Variants in TEAD1 observed in about 807,000 individuals in gnomAD.
TEAD1 encodes the protein TEA domain transcription factor 1.
In TEAD1, 9 loss-of-function variants were observed where a neutral mutation model predicts 54.9. The observed-to-expected ratio is 0.16, with a 90% CI of 0.10 to 0.29. The LOEUF is 0.29. Among genes scored for constraint, TEAD1 ranks in the 10% least tolerant of loss-of-function variants. The pLI is 1.00. For missense variants in TEAD1, 387 were observed against 535.9 expected, an observed-to-expected ratio of 0.72 and a Z score of 2.74; for synonymous variants, 200 against 187.8, an observed-to-expected ratio of 1.07 and a Z score of -0.53.
At chr11:12,816,222 A>C (rs2133995706) in intron 3 of TEAD1, among the ~76,000 whole-genome samples, 1 of 152,142 alleles carries the variant, frequency 6.6e-6, no homozygotes, top group South Asian at 2.1e-4. Context: ...GGCTGGATGA[A>C]GTCAAGCTGC....
chr11:12,720,321 G>A (rs1410671932), intron 2 of TEAD1, among the ~76,000 whole-genome samples: 1 of 152,066 alleles, frequency 6.6e-6, no homozygotes, highest in Non-Finnish European at 1.5e-5. Context: ...TGTGGACTGG[G>A]AAGAAATTAG....
In TEAD1 at chr11:12,820,854, A is replaced by G. The variant is rs935927936; in HGVS notation, c.203-41396A>G. 7.2e-5 allele frequency among the ~76,000 whole-genome samples: 11 copies of G among 152,230 alleles called. 2 individuals carry two copies. Among genetic ancestry groups the G allele is most frequent in the Middle Eastern group, 3.2e-3 (1 of 316 alleles). On this transcript the variant is annotated intron_variant, in intron 3 of 12. Coordinates refer to ENST00000527636, the MANE Select transcript of TEAD1 (RefSeq NM_021961.6). Reference sequence around the variant, plus strand: ...ATAAATCAAAGCGAACAATTTTAAGATGACGAGTAAGTCTGGAGAAAAACC... The same window carrying G: ...ATAAATCAAAGCGAACAATTTTAAGGTGACGAGTAAGTCTGGAGAAAAACC...
At chr11:12,792,990 T>C (rs1018185187) in intron 3 of TEAD1, among the ~76,000 whole-genome samples, 5 of 151,806 alleles carry the variant, frequency 3.3e-5, no homozygotes, top group Non-Finnish European at 4.4e-5. Flanking sequence ...AGTTTGGGGC[T>C]GTAGTATGCC....
intron 5 of TEAD1, among the ~76,000 whole-genome samples, chr11:12,867,306 A>T (rs1419889087): frequency 6.6e-6 from 1 of 152,212 alleles, no homozygotes; most frequent in Non-Finnish European, 1.5e-5. Flanking sequence ...GGGGCTGGGC[A>T]TTCAGCCTTT....
intron 2 of TEAD1, among the ~76,000 whole-genome samples, chr11:12,724,118 G>A (rs985639198): frequency 2.0e-5 from 3 of 152,098 alleles, no homozygotes; most frequent in African/African-American, 7.2e-5. Flanking sequence ...GTGATGCCAA[G>A]CCCAAGTCTA....
chr11:12,701,826 G>C (rs1240168898), intron 2 of TEAD1, among the ~76,000 whole-genome samples: 1 of 152,178 alleles, frequency 6.6e-6, no homozygotes, highest in Non-Finnish European at 1.5e-5. Context: ...AAATTATATA[G>C]GGAATAGAAG....
chr11:12,776,134 A>G (rs1460791855), intron 3 of TEAD1, among the ~76,000 whole-genome samples: 5 of 152,160 alleles, frequency 3.3e-5, no homozygotes, highest in Admixed American at 2.0e-4. Flanking sequence ...GGAGGAGAAC[A>G]GGGCATTCTT....
intron 4 of TEAD1, among the ~76,000 whole-genome samples, chr11:12,864,364 C>A (rs1386105668): frequency 6.6e-6 from 1 of 152,132 alleles, no homozygotes; most frequent in African/African-American, 2.4e-5. Flanking sequence ...CCTCTCATCC[C>A]TCCCAAAATT....
chr11:12,861,578 G>T (rs1313639462), intron 3 of TEAD1, among the ~76,000 whole-genome samples: 1 of 152,196 alleles, frequency 6.6e-6, no homozygotes, highest in African/African-American at 2.4e-5. Context: ...AAAAACCAAA[G>T]ACTAGAAGAG....
At position 12,881,968 on chromosome 11, in the gene TEAD1, C is replaced by T. The variant is rs1169273580; in HGVS notation, c.574+11C>T. 1.2e-6 allele frequency: 2 copies of T among 1,613,944 alleles called. No individual in the cohort carries two copies. Among genetic ancestry groups the T allele is most frequent in the East Asian group, 4.5e-5 (2 of 44,880 alleles). ...CAGCCCCCATTCCAGGTGAGTGTCC[C>T]TGAAACTCCTTTTTGGGAGCACAGC... On this transcript the variant is annotated intron_variant, in intron 8 of 12. Coordinates refer to ENST00000527636, the MANE Select transcript of TEAD1 (RefSeq NM_021961.6).
intron 2 of TEAD1, among the ~76,000 whole-genome samples, chr11:12,691,230 T>C (rs1009623719): frequency 3.9e-5 from 6 of 152,236 alleles, no homozygotes; most frequent in Non-Finnish European, 5.9e-5. Context: ...TCAAATTGTT[T>C]CATCTTTGGC....
At chr11:12,934,724 C>T (rs914744011) in intron 12 of TEAD1, among the ~76,000 whole-genome samples, 2 of 152,068 alleles carry the variant, frequency 1.3e-5, no homozygotes, top group African/African-American at 4.8e-5. Flanking sequence ...CAAGTCTGCA[C>T]TTTCTACCTC....
Position 12,941,843 on chromosome 11 carries a change from C to T in TEAD1, c.*4621C>T, listed in dbSNP as rs1949165438. On this transcript the variant is annotated 3_prime_UTR_variant, in exon 13 of 13. Coordinates refer to ENST00000527636, the MANE Select transcript of TEAD1 (RefSeq NM_021961.6). ...TACTGTTACTTTTGTAGGAAGTTTT[C>T]AATTCAGAGCTGCCAAAGTGTTCCC... 1 of 152,610 alleles carries T rather than the reference C, an allele frequency of 6.6e-6. No individual in the cohort carries two copies. The highest frequency in any genetic ancestry group is 2.1e-4 in the South Asian group (1 of 4,832). The allele number at this position is 152,610 out of a possible 1,614,324, so 9.5% of individuals were successfully genotyped here.
chr11:12,773,045 A>G (rs1945345119), intron 3 of TEAD1, among the ~76,000 whole-genome samples: 1 of 152,052 alleles, frequency 6.6e-6, no homozygotes, highest in Admixed American at 6.5e-5. Flanking sequence ...ACCTTTTGGG[A>G]TTGGCTTTTT....
rs1185492210 is a variant in TEAD1 at position 12,781,990 on chromosome 11, G to GA, written c.202+17566dup. On this transcript the variant is annotated intron_variant, in intron 3 of 12. Coordinates refer to ENST00000527636, the MANE Select transcript of TEAD1 (RefSeq NM_021961.6). ...AAAAAAAGAAAGAAAAAAAGAAAAAGAAAAAAAAAATTAGCCAAGCGTGGT... is the reference window on the plus strand; with the variant it reads ...AAAAAAAGAAAGAAAAAAAGAAAAAGAAAAAAAAAAATTAGCCAAGCGTGGT... Among the ~76,000 whole-genome samples the GA allele has an allele frequency of 1.6e-3, 195 of 120,144 alleles. 1 individual carries two copies. Among genetic ancestry groups the GA allele is most frequent in the African/African-American group, 8.5e-3 (178 of 20,948 alleles). The allele number at this position is 120,144 out of a possible 152,430, so 78.8% of individuals were successfully genotyped here.
At chr11:12,822,021 T>C (rs1034410673) in intron 3 of TEAD1, among the ~76,000 whole-genome samples, 1 of 135,000 alleles carries the variant, frequency 7.4e-6, no homozygotes, top group African/African-American at 2.8e-5. Context: ...TGGAGTGCAG[T>C]GGCGCGATCT....
At chr11:12,690,994 G>C (rs1943445781) in intron 2 of TEAD1, among the ~76,000 whole-genome samples, 1 of 152,150 alleles carries the variant, frequency 6.6e-6, no homozygotes, top group South Asian at 2.1e-4. Flanking sequence ...CAAGCGATCT[G>C]CTCACCTCGG....
chr11:12,811,892 A>G (rs376399403), intron 3 of TEAD1, among the ~76,000 whole-genome samples: 83 of 151,882 alleles, frequency 5.5e-4, no homozygotes, highest in African/African-American at 1.9e-3. Flanking sequence ...AAGTTCTTTC[A>G]TGTCTGGGGT....
At chr11:12,855,831 C>T (rs1360190544) in intron 3 of TEAD1, among the ~76,000 whole-genome samples, 1 of 151,620 alleles carries the variant, frequency 6.6e-6, no homozygotes, top group East Asian at 2.0e-4. Context: ...GCCTGTGGTC[C>T]CAGCTACTTG....
Sources: gnomAD v4.1 joint callset for allele counts (sites outside exome capture counted in the v4.1 genomes callset) on GRCh38, gnomAD v4.1.1 for gene constraint, MANE v1.5 for transcripts, NCBI Gene and HGNC (gene_info 2026-07-23, HGNC 2026-07-21) for gene names.